The following GALNT17 variants were observed in gnomAD, a reference collection of about 807,000 sequenced individuals.
GALNT17 encodes polypeptide N-acetylgalactosaminyltransferase 17.
A neutral mutation model predicts 63.7 loss-of-function variants in GALNT17; 29 were observed. That is an observed-to-expected ratio of 0.46 (90% CI 0.34 to 0.62). The LOEUF is 0.62. Among genes scored for constraint, GALNT17 ranks in the 20% least tolerant of loss-of-function variants. The pLI, the probability that GALNT17 is intolerant of heterozygous loss-of-function variation, is 0.01. For synonymous variants in GALNT17, 305 were observed against 318.3 expected (o/e 0.96, Z 0.45); for missense variants, 603 against 799.6 (o/e 0.75, Z 2.97).
At chr7:71,194,549 C>T (rs760633695) in intron 1 of GALNT17, among the ~76,000 whole-genome samples, 8 of 152,116 alleles carry the variant, frequency 5.3e-5, no homozygotes, top group Non-Finnish European at 1.0e-4. Flanking sequence ...ACCCATGCAA[C>T]GAGACAGAGC....
chr7:71,394,519 T>C (rs765203324), intron 3 of GALNT17, among the ~76,000 whole-genome samples: 2 of 152,162 alleles, frequency 1.3e-5, no homozygotes, highest in Admixed American at 6.5e-5. Flanking sequence ...CAGTTTCCCA[T>C]TGGAATTGTC....
intron 5 of GALNT17, among the ~76,000 whole-genome samples, chr7:71,565,137 G>A (rs142294400): frequency 6.6e-6 from 1 of 151,960 alleles, no homozygotes; most frequent in East Asian, 1.9e-4. Context: ...CATGGTGCTG[G>A]GTGCCTGTAA....
intron 5 of GALNT17, 86 bp downstream of exon 5, chr7:71,421,191 C>G (rs1442111978): frequency 8.2e-6 from 12 of 1,459,570 alleles, no homozygotes; most frequent in African/African-American, 1.4e-5. Context: ...GGAAAGCCTG[C>G]CTTGGGCTCG....
chr7:71,146,609 C>G (rs1222322862), intron 1 of GALNT17, among the ~76,000 whole-genome samples: 2 of 152,104 alleles, frequency 1.3e-5, no homozygotes, highest in African/African-American at 4.8e-5. Flanking sequence ...CCCTCCCTCC[C>G]TCGCCGCCAT....
intron 6 of GALNT17, among the ~76,000 whole-genome samples, chr7:71,608,236 C>T (rs1584086855): frequency 6.6e-6 from 1 of 152,088 alleles, no homozygotes; most frequent in East Asian, 1.9e-4. Flanking sequence ...GTCACTGCAG[C>T]AGGAAAGAAA....
At chr7:71,277,485 A>G (rs1427550379) in intron 1 of GALNT17, among the ~76,000 whole-genome samples, 1 of 152,230 alleles carries the variant, frequency 6.6e-6, no homozygotes, top group African/African-American at 2.4e-5. Context: ...CCCTGAACCT[A>G]AAATTGAAGA....
At chr7:71,133,922 C>T (rs892773943) in intron 1 of GALNT17, among the ~76,000 whole-genome samples, 4 of 152,192 alleles carry the variant, frequency 2.6e-5, no homozygotes, top group Non-Finnish European at 5.9e-5. Context: ...CTACCTCCTC[C>T]CTTTCTGAGC....
chr7:71,613,213 G>A (rs1790150590), intron 6 of GALNT17, among the ~76,000 whole-genome samples: 1 of 152,188 alleles, frequency 6.6e-6, no homozygotes, highest in Non-Finnish European at 1.5e-5. Context: ...GCCAGGGAGA[G>A]CTAATGATGG....
At chr7:71,502,381 A>G (rs1788194721) in intron 5 of GALNT17, among the ~76,000 whole-genome samples, 1 of 152,194 alleles carries the variant, frequency 6.6e-6, no homozygotes, top group Non-Finnish European at 1.5e-5. Context: ...CCAATGGAAT[A>G]TGGTGGAATG....
intron 5 of GALNT17, among the ~76,000 whole-genome samples, chr7:71,427,988 A>G (rs1317079535): frequency 6.6e-6 from 1 of 152,158 alleles, no homozygotes; most frequent in Non-Finnish European, 1.5e-5. Context: ...CCATGGAAAA[A>G]TTGTCTTCCA....
At chr7:71,167,491 G>A (rs1267125749) in intron 1 of GALNT17, among the ~76,000 whole-genome samples, 2 of 151,940 alleles carry the variant, frequency 1.3e-5, no homozygotes, top group African/African-American at 4.8e-5. Flanking sequence ...ATTCTAGGAG[G>A]AAGTACCTTA....
intron 5 of GALNT17, among the ~76,000 whole-genome samples, chr7:71,479,781 A>G (rs1476089665): frequency 1.3e-5 from 2 of 152,152 alleles, no homozygotes; most frequent in Non-Finnish European, 2.9e-5. Context: ...TGAGTCAAAG[A>G]TGGAGCTGAT....
chr7:71,232,800 G>A lies in GALNT17; in HGVS notation c.238+99760G>A, dbSNP rs138752161. 8.5e-4 allele frequency among the ~76,000 whole-genome samples: 130 copies of A among 152,220 alleles called. 1 individual carries two copies. The highest frequency in any genetic ancestry group is 3.4e-3 in the Middle Eastern group (1 of 294). On this transcript the variant is annotated intron_variant, in intron 1 of 10. Coordinates refer to ENST00000333538, the MANE Select transcript of GALNT17 (RefSeq NM_022479.3). Reference sequence around the variant, plus strand: ...ATGCAGAAATTTCTAGATGAGGGGTGGTAACTTCTGGGTGTGGCCATGGCA... The same window carrying A: ...ATGCAGAAATTTCTAGATGAGGGGTAGTAACTTCTGGGTGTGGCCATGGCA...
chr7:71,563,579 CT>C (rs201083247), intron 5 of GALNT17, among the ~76,000 whole-genome samples: 17 of 149,980 alleles, frequency 1.1e-4, no homozygotes, highest in Middle Eastern at 3.4e-3. Context: ...GCAGATATGT[CT>C]TTTTTTTTTC....
chr7:71,692,236 C>T (rs1791458226), intron 9 of GALNT17, among the ~76,000 whole-genome samples: 1 of 152,110 alleles, frequency 6.6e-6, no homozygotes, highest in Admixed American at 6.6e-5. Flanking sequence ...TTCTTTTTTA[C>T]TGAAGGCACA....
At chr7:71,345,442 CA>C (rs943052737) in intron 2 of GALNT17, among the ~76,000 whole-genome samples, 1 of 152,202 alleles carries the variant, frequency 6.6e-6, no homozygotes, top group African/African-American at 2.4e-5. Context: ...TTGCTTCACT[CA>C]GAAAGTCTCC....
chr7:71,584,034 A>G (rs1381864830), intron 6 of GALNT17, among the ~76,000 whole-genome samples: 1 of 152,058 alleles, frequency 6.6e-6, no homozygotes, highest in Non-Finnish European at 1.5e-5. Flanking sequence ...CGGGAGGCTG[A>G]GGCAGGAGAA....
chr7:71,239,857 T>TAA (rs1789962243), intron 1 of GALNT17, among the ~76,000 whole-genome samples: 1 of 152,168 alleles, frequency 6.6e-6, no homozygotes, highest in African/African-American at 2.4e-5. Context: ...AAAAATGAGT[T>TAA]TTACATTGTT....
At chr7:71,231,228 CTGTT>C (rs893968218) in intron 1 of GALNT17, among the ~76,000 whole-genome samples, 30 of 149,158 alleles carry the variant, frequency 2.0e-4, no homozygotes, top group African/African-American at 7.0e-4. Context: ...GATATTTTTG[CTGTT>C]TTTTTTTTTT....
Sources: gnomAD v4.1 joint callset for allele counts (sites outside exome capture counted in the v4.1 genomes callset) on GRCh38, gnomAD v4.1.1 for gene constraint, MANE v1.5 for transcripts, NCBI Gene and HGNC (gene_info 2026-07-23, HGNC 2026-07-21) for gene names.